The following UGT1A8 variants were observed in gnomAD, a reference collection of about 807,000 sequenced individuals.
UGT1A8 encodes UDP glucuronosyltransferase family 1 member A8, also known as UDP-glucuronosyltransferase 1A8.
Under a neutral mutation model 45.3 loss-of-function variants are expected in UGT1A8, and 39 were observed. That is an observed-to-expected ratio of 0.86 (90% CI 0.67 to 1.12). The LOEUF (loss-of-function observed/expected upper bound fraction) is 1.12. Among genes scored for constraint, UGT1A8 ranks in the 50% most tolerant of loss-of-function variants. The probability of loss-of-function intolerance (pLI) is 0.00; values close to 1 mark genes in which losing one functional copy is unlikely to be tolerated. For missense variants in UGT1A8, 719 were observed against 664.9 expected, an observed-to-expected ratio of 1.08 and a Z score of -0.90; for synonymous variants, 275 against 249.2, an observed-to-expected ratio of 1.10 and a Z score of -0.97.
chr2:233,644,232 C>G (rs1301267897), intron 1 of UGT1A8, among the ~76,000 whole-genome samples: 1 of 152,276 alleles, frequency 6.6e-6, no homozygotes, highest in East Asian at 1.9e-4. Context: ...CAAGTTCAGA[C>G]CTCTGAGATC....
chr2:233,681,878 C>A, intron 1 of UGT1A8: 1 of 1,546,478 alleles, frequency 6.5e-7, no homozygotes, highest in Non-Finnish European at 8.7e-7. Flanking sequence ...GTACTTCTTC[C>A]ACTTACTATA....
intron 1 of UGT1A8, among the ~76,000 whole-genome samples, chr2:233,715,640 T>C (rs6749496): frequency 0.45 from 68,545 of 151,744 alleles, 16,739 homozygotes; most frequent in African/African-American, 0.65. Flanking sequence ...GGTGTGATGG[T>C]GCACACCTGT....
Position 233,729,231 on chromosome 2 carries a change from C to G in UGT1A8, c.856-37803C>G, listed in dbSNP as rs777258735. ...AGAGTGGAAAGGTGTTGGTGGTGCC[C>G]ATTGATGGCAGCCACTGGCTCAGCA... On this transcript the variant is annotated intron_variant, in intron 1 of 4. Transcript: ENST00000373450. The G allele has an allele frequency of 2.5e-6, 4 of 1,614,060 alleles. No homozygotes were observed. The African/African-American group carries it at 4.0e-5, about 16-fold the overall frequency.
chr2:233,651,690 A>G (rs1253051045), intron 1 of UGT1A8, among the ~76,000 whole-genome samples: 1 of 152,190 alleles, frequency 6.6e-6, no homozygotes, highest in African/African-American at 2.4e-5. Flanking sequence ...TTGGAAAAGC[A>G]TACAGTTTGT....
intron 1 of UGT1A8, among the ~76,000 whole-genome samples, chr2:233,705,497 C>T (rs746321750): frequency 9.9e-5 from 15 of 151,954 alleles, no homozygotes; most frequent in Non-Finnish European, 2.1e-4. Flanking sequence ...TAATAAATAC[C>T]TTTTTAAGAA....
chr2:233,671,922 C>G, intron 1 of UGT1A8: 1 of 1,595,536 alleles, frequency 6.3e-7, no homozygotes, highest in Non-Finnish European at 8.5e-7. Context: ...TTGCTCTCAG[C>G]TGCAGTTCTC....
intron 1 of UGT1A8, among the ~76,000 whole-genome samples, chr2:233,679,205 G>C (rs1332301460): frequency 1.1e-4 from 16 of 152,168 alleles, no homozygotes; most frequent in Admixed American, 4.6e-4. Context: ...TGAACTTGTG[G>C]GTTCTGGGTG....
At position 233,693,022 on chromosome 2, in the gene UGT1A8, C is replaced by T. The variant is rs773410698; in HGVS notation, c.856-74012C>T. 2.5e-5 allele frequency: 41 copies of T among 1,614,028 alleles called. No individual in the cohort carries two copies. In the Admixed American group the frequency reaches 3.8e-4, roughly 15 times the overall value. On this transcript the variant is annotated intron_variant, in intron 1 of 4. Transcript: ENST00000373450. ...TTTCCAGGATGGCCTGCCTCCTTCG[C>T]TCATTTCAGAGAATTTCTGCAGGGG... is the stretch of plus-strand genomic sequence containing the variant.
chr2:233,743,604 C>T (rs780370004), intron 1 of UGT1A8: 10 of 1,367,184 alleles, frequency 7.3e-6, no homozygotes, highest in Middle Eastern at 2.1e-4. Flanking sequence ...TCCTGGCCGC[C>T]GAAGAACTCC....
intron 1 of UGT1A8, among the ~76,000 whole-genome samples, chr2:233,635,734 T>C (rs562720355): frequency 6.6e-6 from 1 of 151,050 alleles, no homozygotes; most frequent in South Asian, 2.1e-4. Flanking sequence ...GTACATATTT[T>C]CCTGAAAGAG....
rs774552419 is a variant in UGT1A8 at position 233,767,911 on chromosome 2, G to A, written c.1050G>A (p.Lys350=). ...SNLANNTILV[K]WLPQNDLLGH... is the part of the protein sequence containing the mutation. Reference sequence around the variant, plus strand: ...TTGCGAACAACACGATACTTGTTAAGTGGCTACCCCAAAACGATCTGCTTG... The same window carrying A: ...TTGCGAACAACACGATACTTGTTAAATGGCTACCCCAAAACGATCTGCTTG... The change falls in exon 3 of 5, where the codon AAG becomes AAA. Residue 350 remains lysine (K), a synonymous_variant. Coordinates refer to ENST00000373450, the MANE Select transcript of UGT1A8 (RefSeq NM_019076.5). 13 of 1,614,068 alleles carry A rather than the reference G, an allele frequency of 8.1e-6. No homozygotes were observed. The highest frequency in any genetic ancestry group is 1.3e-5 in the African/African-American group (1 of 74,916).
In UGT1A8 at chr2:233,768,310, C is replaced by G; in HGVS notation, c.1166C>G (p.Pro389Arg). 6.2e-7 allele frequency: 1 copy of G among 1,614,060 alleles called. No homozygotes were observed. Among genetic ancestry groups the G allele is most frequent in the Non-Finnish European group, 8.5e-7 (1 of 1,180,018 alleles). ...ICNGVPMVMM[P>R]LFGDQMDNAK... ...AATGGCGTTCCCATGGTGATGATGC[C>G]CTTGTTTGGTGATCAGATGGACAAT... The change falls in exon 4 of 5, where the codon CCC becomes CGC. Residue 389 changes from proline to arginine, a missense_variant. Physicochemically the swap from Pro to Arg is moderately radical, Grantham distance 103. Coordinates refer to ENST00000373450, the MANE Select transcript of UGT1A8 (RefSeq NM_019076.5).
chr2:233,666,063 T>C (rs1292173731), intron 1 of UGT1A8, among the ~76,000 whole-genome samples: 1 of 152,208 alleles, frequency 6.6e-6, no homozygotes, highest in African/African-American at 2.4e-5. Context: ...GGCACCAGCA[T>C]CCGCATCTGG....
At chr2:233,663,370 G>T (rs902232911) in intron 1 of UGT1A8, among the ~76,000 whole-genome samples, 2 of 152,152 alleles carry the variant, frequency 1.3e-5, no homozygotes, top group Non-Finnish European at 2.9e-5. Flanking sequence ...AGTAATCCAG[G>T]AGTGCTGATT....
chr2:233,639,340 C>T (rs1397002628), intron 1 of UGT1A8, among the ~76,000 whole-genome samples: 1 of 152,164 alleles, frequency 6.6e-6, no homozygotes, highest in African/African-American at 2.4e-5. Context: ...GCAGAATTCT[C>T]ACAGAGGAAT....
intron 1 of UGT1A8, among the ~76,000 whole-genome samples, chr2:233,759,177 G>A (rs926803147): frequency 1.3e-5 from 2 of 152,142 alleles, no homozygotes; most frequent in East Asian, 1.9e-4. Flanking sequence ...CAGGTTTCAC[G>A]GCAAAAAGTT....
chr2:233,660,195 A>AT (rs2073936764), intron 1 of UGT1A8, among the ~76,000 whole-genome samples: 1 of 152,230 alleles, frequency 6.6e-6, no homozygotes, highest in Non-Finnish European at 1.5e-5. Flanking sequence ...CAACAAGGAC[A>AT]TCTTCCACAG....
intron 1 of UGT1A8, chr2:233,748,161 A>G: frequency 1.3e-6 from 2 of 1,596,158 alleles, no homozygotes; most frequent in South Asian, 2.3e-5. Context: ...TTGCTTCCAT[A>G]TCTACTTATC....
intron 1 of UGT1A8, among the ~76,000 whole-genome samples, chr2:233,764,578 C>T (rs146266932): frequency 2.0e-4 from 31 of 152,244 alleles, no homozygotes; most frequent in African/African-American, 6.5e-4. Flanking sequence ...AACTTAGACT[C>T]GGCCTTTTCC....
Sources: allele counts gnomAD v4.1 joint callset (sites outside exome capture counted in the v4.1 genomes callset), GRCh38; gene constraint gnomAD v4.1.1; transcripts MANE v1.5; gene names NCBI Gene and HGNC (gene_info 2026-07-23, HGNC 2026-07-21).